The following COL6A3 variants were observed in gnomAD, a reference collection of about 807,000 sequenced individuals.
COL6A3 encodes the protein collagen alpha-3(VI) chain.
In COL6A3, 137 loss-of-function variants were observed where a neutral mutation model predicts 274.1. The ratio of observed to expected loss-of-function variants is 0.50; its 90% CI spans 0.44 to 0.58. The LOEUF is 0.58. Ranked by LOEUF, COL6A3 falls within the 20% of genes least tolerant of loss-of-function variation. The pLI, the probability that COL6A3 is intolerant of heterozygous loss-of-function variation, is 0.00. For synonymous variants in COL6A3, 1,650 were observed against 1,650.6 expected, an observed-to-expected ratio of 1.00 and a Z score of 0.01; for missense variants, 3,950 against 4,124.9, an observed-to-expected ratio of 0.96 and a Z score of 1.16.
Position 237,372,281 on chromosome 2 carries a change from G to A in COL6A3, c.3736C>T (p.Pro1246Ser). 1.2e-6 allele frequency: 2 copies of A among 1,612,944 alleles called. No homozygotes were observed. Among genetic ancestry groups the A allele is most frequent in the South Asian group, 1.1e-5 (1 of 91,082 alleles). ...AGGGTGCGAACGTACTGGAACTCAG[G>A]CCCGGCACTTTGGGACCCATCGATG... Reference protein sequence around the residue: ...FLIDGSQSAGPEFQYVRTLIE... With the variant: ...FLIDGSQSAGSEFQYVRTLIE... Residue 1246 changes from proline to serine, a missense_variant, in exon 9 of 44, where the codon CCT becomes TCT. Transcript: ENST00000295550.
intron 11 of COL6A3, 118 bp downstream of exon 11, chr2:237,366,569 A>G: frequency 6.7e-7 from 1 of 1,499,672 alleles, no homozygotes; most frequent in South Asian, 1.1e-5. Flanking sequence ...GGTATAAGTA[A>G]ATGTATGAAG....
At chr2:237,348,826 C>T (rs918392513) in intron 28 of COL6A3, among the ~76,000 whole-genome samples, 163 bp from the exon 29 acceptor site, 1 of 152,178 alleles carries the variant, frequency 6.6e-6, no homozygotes, top group African/African-American at 2.4e-5. Flanking sequence ...GTCCTATCTT[C>T]CAAGTGTGAA....
At chr2:237,326,244 AGTGTGTGTGTGT>A (rs58879455) in intron 42 of COL6A3, 14,565 of 151,676 alleles carry the variant, frequency 0.096, 754 homozygotes, top group Middle Eastern at 0.19. Flanking sequence ...ATCCTTTATG[AGTGTGTGTGTGT>A]GTGTGTGTGT....
rs763703816 is a variant in COL6A3, at chr2:237,372,351, G to A, written c.3680-14C>T. The A allele has an allele frequency of 6.2e-7, 1 of 1,602,402 alleles. No homozygotes were observed. Among genetic ancestry groups the A allele is most frequent in the South Asian group, 1.1e-5 (1 of 91,088 alleles). Reference sequence around the variant, plus strand: ...TGCCACCAACACCTGCGAAACAAATGTGAGCATGGCTTCACCTTCATCGTC... The same window carrying A: ...TGCCACCAACACCTGCGAAACAAATATGAGCATGGCTTCACCTTCATCGTC... On this transcript the variant is annotated splice_polypyrimidine_tract_variant and intron_variant, in intron 8 of 43. Coordinates refer to ENST00000295550, the MANE Select transcript of COL6A3 (RefSeq NM_004369.4).
intron 12 of COL6A3, 73 bp downstream of exon 12, chr2:237,365,625 G>T: frequency 7.6e-7 from 1 of 1,321,398 alleles, no homozygotes; most frequent in Non-Finnish European, 1.1e-6. Context: ...TAACTTGGGG[G>T]AAGGGCTTCC....
At chr2:237,366,395 A>G (rs1231620017) in intron 11 of COL6A3, among the ~76,000 whole-genome samples, 1 of 152,226 alleles carries the variant, frequency 6.6e-6, no homozygotes, top group Non-Finnish European at 1.5e-5. Context: ...GATCTAATAA[A>G]TCTATAATTA....
In COL6A3 at chr2:237,357,287, T is replaced by G. The variant is rs763345819; in HGVS notation, c.6591+51A>C. The G allele has an allele frequency of 5.3e-6, 8 of 1,518,536 alleles. No homozygotes were observed. In the South Asian group the frequency reaches 6.7e-5, roughly 13 times the overall value. The allele number at this position is 1,518,536 out of a possible 1,614,324, so 94.1% of individuals were successfully genotyped here. On this transcript the variant is annotated intron_variant, in intron 23 of 43. Transcript: ENST00000295550. ...GCACCAGGTCATGTTGGGCAGATCT[T>G]ATGGCACTAAGAATTGTCACAGAGC...
intron 8 of COL6A3, 118 bp from the exon 9 acceptor site, chr2:237,372,455 C>T: frequency 6.3e-7 from 1 of 1,578,982 alleles, no homozygotes; most frequent in East Asian, 2.2e-5. Flanking sequence ...CCAATCACCA[C>T]TGTTAAAAGT....
At chr2:237,376,623 T>C in intron 7 of COL6A3, 149 bp downstream of exon 7, 2 of 803,012 alleles carry the variant, frequency 2.5e-6, no homozygotes, top group Non-Finnish European at 4.4e-6. Context: ...TATTCTATTG[T>C]TCCTGCTGAA....
chr2:237,411,752 AG>A (rs2106410231), intron 1 of COL6A3, among the ~76,000 whole-genome samples: 1 of 152,354 alleles, frequency 6.6e-6, no homozygotes, highest in East Asian at 1.9e-4. Context: ...TTTTTCAGAA[AG>A]GTGCCTACCT....
At chr2:237,392,147 C>T (rs530916440) in intron 3 of COL6A3, among the ~76,000 whole-genome samples, 8 of 152,288 alleles carry the variant, frequency 5.3e-5, no homozygotes, top group Admixed American at 2.6e-4. Flanking sequence ...CTGCCAGCCC[C>T]GTTAAAGCTG....
intron 39 of COL6A3, among the ~76,000 whole-genome samples, chr2:237,336,747 T>A (rs940278871): frequency 1.3e-5 from 2 of 152,156 alleles, no homozygotes; most frequent in East Asian, 3.8e-4. Flanking sequence ...AATAGAACCA[T>A]TAAAAATGAA....
rs1438053076 is a variant in COL6A3, at chr2:237,368,227, T to C, written c.4900+336A>G. ...ATATTGGGCATCTGGCCAGTAGGCA[T>C]GGGCCAACTTCAAAGTCACATTCAG... On this transcript the variant is annotated intron_variant, in intron 10 of 43. Transcript: ENST00000295550. The surrounding 1 kb of genome is among the most constrained non-coding windows in gnomAD (Gnocchi z 4.4). 6.6e-6 allele frequency among the ~76,000 whole-genome samples: 1 copy of C among 152,190 alleles called. No individual in the cohort carries two copies. The highest frequency in any genetic ancestry group is 1.5e-5 in the Non-Finnish European group (1 of 68,032).
intron 8 of COL6A3, among the ~76,000 whole-genome samples, chr2:237,372,952 G>A (rs896356439): frequency 6.6e-6 from 1 of 152,206 alleles, no homozygotes; most frequent in Non-Finnish European, 1.5e-5. Flanking sequence ...GCAGGTGAGA[G>A]GAAAGGGAGC....
chr2:237,362,919 T>C (rs2077469444), intron 14 of COL6A3, among the ~76,000 whole-genome samples: 1 of 152,198 alleles, frequency 6.6e-6, no homozygotes, highest in Non-Finnish European at 1.5e-5. Flanking sequence ...AGTTTCCAAT[T>C]GGAGGATGGA....
chr2:237,394,933 T>A lies in COL6A3; in HGVS notation c.363A>T (p.Gly121=). 2 of 1,614,008 alleles carry A rather than the reference T, an allele frequency of 1.2e-6. No homozygotes were observed. Among genetic ancestry groups the A allele is most frequent in the Non-Finnish European group, 1.7e-6 (2 of 1,179,924 alleles). Residue 121 remains glycine (G), a synonymous_variant, in exon 3 of 44, where the codon GGA becomes GGT. Coordinates refer to ENST00000295550, the MANE Select transcript of COL6A3 (RefSeq NM_004369.4). ...YIGGTNQTGK[G]LEYIMQSHLT... is the part of the protein sequence containing the mutation. ...GGTGGCTTTGCATTATGTATTCTAA[T>A]CCTTTTCCAGTCTGATTGGTTCCCC...
chr2:237,379,026 G>A lies in COL6A3; in HGVS notation c.2107C>T (p.Leu703Phe), dbSNP rs1440797420. The change falls in exon 6 of 44, where the codon CTT becomes TTT. Residue 703 changes from leucine to phenylalanine, a missense_variant. Leu to Phe is a conservative substitution (Grantham distance 22). Coordinates refer to ENST00000295550, the MANE Select transcript of COL6A3 (RefSeq NM_004369.4). ...LNTYQTKSDI[L>F]GHLRQLQLQG... ...AGCTGCAGCTGCCTCAGATGACCAA[G>A]GATATCTGACTTGGTCTGGTATGTG... 1.9e-6 allele frequency: 3 copies of A among 1,614,218 alleles called. No individual in the cohort carries two copies. Among genetic ancestry groups the A allele is most frequent in the African/African-American group, 1.3e-5 (1 of 75,056 alleles).
chr2:237,396,042 G>T (rs1269608729), intron 2 of COL6A3, among the ~76,000 whole-genome samples: 3 of 152,172 alleles, frequency 2.0e-5, no homozygotes, highest in Non-Finnish European at 4.4e-5. Flanking sequence ...CCATTGAAGT[G>T]ACACTAGACT....
At position 237,360,130 on chromosome 2, in the gene COL6A3, G is replaced by A; in HGVS notation, c.6240C>T (p.Gly2080=). 1 of 1,614,162 alleles carries A rather than the reference G, an allele frequency of 6.2e-7. No individual in the cohort carries two copies. The highest frequency in any genetic ancestry group is 1.3e-5 in the African/African-American group (1 of 75,036). ...CCGGGCAGCCCTGGAAACCTTGAGT[G>A]CCGTTCACACCAGGCGGACCACGCT... The part of the protein sequence containing the change: ...PGERGPPGVN[G]TQGFQGCPGQ... Residue 2080 remains glycine (G), a synonymous_variant, in exon 17 of 44, where the codon GGC becomes GGT. Transcript: ENST00000295550.
Sources: allele counts gnomAD v4.1 joint callset (sites outside exome capture counted in the v4.1 genomes callset), GRCh38; gene constraint gnomAD v4.1.1; non-coding constraint Gnocchi (gnomAD v3.1); transcripts MANE v1.5; gene names NCBI Gene and HGNC (gene_info 2026-07-23, HGNC 2026-07-21).